The following CSMD1 variants were observed in gnomAD, a reference collection of about 807,000 sequenced individuals.
CSMD1 encodes CUB and sushi domain-containing protein 1.
CSMD1 carries 213 observed loss-of-function variants against 417.5 expected under a neutral mutation model. That is an observed-to-expected ratio of 0.51 (90% confidence interval 0.46 to 0.57). The LOEUF (loss-of-function observed/expected upper bound fraction) is 0.57. CSMD1 is among the 20% of genes least tolerant of loss of function. The pLI, the probability that CSMD1 is intolerant of heterozygous loss-of-function variation, is 0.00. For missense variants in CSMD1, 6,923 were observed against 4,529.7 expected (o/e 1.53, Z -15.17); for synonymous variants, 2,862 against 1,736.8 (o/e 1.65, Z -16.11).
At chr8:4,012,393 C>A (rs917169400) in intron 4 of CSMD1, among the ~76,000 whole-genome samples, 1 of 152,110 alleles carries the variant, frequency 6.6e-6, no homozygotes, top group Non-Finnish European at 1.5e-5. Flanking sequence ...TGATCTCATC[C>A]AGTTTGCGTC....
At chr8:3,351,799 A>G (rs538088806) in intron 21 of CSMD1, among the ~76,000 whole-genome samples, 1 of 149,838 alleles carries the variant, frequency 6.7e-6, no homozygotes, top group African/African-American at 2.4e-5. Context: ...TATAATATAC[A>G]TACAATGTGT....
At chr8:3,920,837 G>A (rs1311487208) in intron 5 of CSMD1, among the ~76,000 whole-genome samples, 3 of 152,094 alleles carry the variant, frequency 2.0e-5, no homozygotes, top group African/African-American at 4.8e-5. Flanking sequence ...TGACTGTGGT[G>A]TATGATCCCT....
intron 5 of CSMD1, among the ~76,000 whole-genome samples, chr8:3,954,932 A>G (rs986513665): frequency 6.6e-6 from 1 of 152,166 alleles, no homozygotes; most frequent in Admixed American, 6.6e-5. Context: ...TTTAACACTT[A>G]TGCACAGAAA....
chr8:4,431,915 G>A lies in CSMD1; in HGVS notation c.303-11850C>T, dbSNP rs543687085. On this transcript the variant is annotated intron_variant, in intron 2 of 69. Transcript: ENST00000635120. ...AATATGTGAATGATATGTAACAATT[G>A]GGTAAATGGGAATTACTTCAAATAA... 2.6e-5 allele frequency among the ~76,000 whole-genome samples: 4 copies of A among 152,072 alleles called. No homozygotes were observed. In the East Asian group the frequency reaches 7.7e-4, roughly 29 times the overall value.
At chr8:4,611,007 T>C (rs942375353) in intron 2 of CSMD1, among the ~76,000 whole-genome samples, 3 of 152,200 alleles carry the variant, frequency 2.0e-5, no homozygotes, top group African/African-American at 4.8e-5. Context: ...CAGCCCTTTT[T>C]CCCTTAGAAA....
chr8:3,803,440 C>G (rs1800567023), intron 5 of CSMD1, among the ~76,000 whole-genome samples: 2 of 152,134 alleles, frequency 1.3e-5, no homozygotes, highest in African/African-American at 4.8e-5. Context: ...GGAGATTACT[C>G]AAAGGAGAAA....
chr8:4,320,884 T>C (rs890231013), intron 3 of CSMD1, among the ~76,000 whole-genome samples: 8 of 152,162 alleles, frequency 5.3e-5, no homozygotes, highest in Non-Finnish European at 8.8e-5. Context: ...AACACACTTA[T>C]GTTTGTTTTG....
At position 4,822,410 on chromosome 8, in the gene CSMD1, T is replaced by A. The variant is rs531822953; in HGVS notation, c.85+171922A>T. ...AACTGGCCTAGTTTGATGATTTTTT[T>A]AAAAAGATAATCTATATGCCTTTAA... On this transcript the variant is annotated intron_variant, in intron 1 of 69. Coordinates refer to ENST00000635120, the MANE Select transcript of CSMD1 (RefSeq NM_033225.6). 2.0e-4 allele frequency among the ~76,000 whole-genome samples: 30 copies of A among 152,190 alleles called. 1 individual carries two copies. Among genetic ancestry groups the A allele is most frequent in the African/African-American group, 4.1e-4 (17 of 41,548 alleles).
chr8:3,526,876 A>G (rs1043493914), intron 10 of CSMD1, among the ~76,000 whole-genome samples: 1 of 152,174 alleles, frequency 6.6e-6, no homozygotes, highest in Non-Finnish European at 1.5e-5. Flanking sequence ...TTGGAGAGGT[A>G]AAGTGCTAGT....
At chr8:4,208,229 G>A (rs1225674655) in intron 3 of CSMD1, among the ~76,000 whole-genome samples, 4 of 152,098 alleles carry the variant, frequency 2.6e-5, no homozygotes, top group Non-Finnish European at 5.9e-5. Flanking sequence ...GCTTTGAAAG[G>A]TAACTGCTCC....
At chr8:4,280,203 T>C (rs1264518820) in intron 3 of CSMD1, among the ~76,000 whole-genome samples, 5 of 152,358 alleles carry the variant, frequency 3.3e-5, no homozygotes, top group African/African-American at 9.6e-5. Flanking sequence ...TAAGCAAGCA[T>C]AGGCCAATCA....
intron 6 of CSMD1, among the ~76,000 whole-genome samples, chr8:3,748,144 G>A (rs1276438588): frequency 6.6e-6 from 1 of 152,150 alleles, no homozygotes; most frequent in Admixed American, 6.5e-5. Context: ...TAAAACTTGT[G>A]CCATTGAGAC....
chr8:4,228,256 C>A (rs77049157), intron 3 of CSMD1, among the ~76,000 whole-genome samples: 3 of 152,184 alleles, frequency 2.0e-5, no homozygotes, highest in Admixed American at 2.0e-4. Context: ...TTCCTGTCAT[C>A]CTTTCCAGTC....
chr8:4,912,021 C>A (rs1056248926), intron 1 of CSMD1, among the ~76,000 whole-genome samples: 5 of 149,766 alleles, frequency 3.3e-5, no homozygotes, highest in South Asian at 2.1e-4. Context: ...CTTCTGTAAC[C>A]TTTATTAAAG....
At chr8:4,926,508 G>A (rs1183105267) in intron 1 of CSMD1, among the ~76,000 whole-genome samples, 1 of 152,108 alleles carries the variant, frequency 6.6e-6, no homozygotes, top group Non-Finnish European at 1.5e-5. Context: ...TGTATAAATA[G>A]CAGTTATCTT....
At chr8:3,631,007 AT>A (rs1796757027) in intron 7 of CSMD1, among the ~76,000 whole-genome samples, 1 of 152,136 alleles carries the variant, frequency 6.6e-6, no homozygotes, top group South Asian at 2.1e-4. Flanking sequence ...ACTCAGCACC[AT>A]GTTGAACCCT....
At chr8:3,099,384 G>A (rs79679863) in intron 46 of CSMD1, among the ~76,000 whole-genome samples, 7 of 152,016 alleles carry the variant, frequency 4.6e-5, no homozygotes, top group Non-Finnish European at 1.0e-4. Context: ...GTAAGCTCAG[G>A]GCTGCCTCTT....
chr8:4,273,123 T>C (rs963441648), intron 3 of CSMD1, among the ~76,000 whole-genome samples: 4 of 152,068 alleles, frequency 2.6e-5, no homozygotes, highest in African/African-American at 9.7e-5. Flanking sequence ...AAGAGCCAAA[T>C]GATAGAGGGA....
intron 2 of CSMD1, among the ~76,000 whole-genome samples, chr8:4,549,454 C>A (rs1797771117): frequency 6.6e-6 from 1 of 152,134 alleles, no homozygotes; most frequent in Admixed American, 6.5e-5. Context: ...TTAATTGACT[C>A]TGTTAAATAG....
Sources: allele counts gnomAD v4.1 joint callset (sites outside exome capture counted in the v4.1 genomes callset), GRCh38; gene constraint gnomAD v4.1.1; transcripts MANE v1.5; gene names NCBI Gene and HGNC (gene_info 2026-07-23, HGNC 2026-07-21).